The following MUC17 variants were observed in gnomAD, a reference collection of about 807,000 sequenced individuals.
MUC17 encodes mucin-17.
A neutral mutation model predicts 170.3 loss-of-function variants in MUC17; 190 were observed. The observed-to-expected ratio is 1.12, with a 90% CI of 0.99 to 1.26. MUC17 has a LOEUF of 1.26. Among genes scored for constraint, MUC17 ranks in the 50% most tolerant of loss-of-function variants. The pLI is 0.00. For synonymous variants in MUC17, 2,325 were observed against 2,002.5 expected (o/e 1.16, Z -4.30); for missense variants, 6,415 against 5,530.0 (o/e 1.16, Z -5.08).
chr7:101,043,209 A>C lies in MUC17; in HGVS notation c.11793A>C (p.Glu3931Asp). The C allele has an allele frequency of 1.2e-6, 2 of 1,614,174 alleles. No individual in the cohort carries two copies. The highest frequency in any genetic ancestry group is 2.2e-5 in the South Asian group (2 of 91,086). ...CCATATCTGTATCAGTGATCACAGA[A>C]GGAAGCACACCTGGGACAACCATTT... ...ATTISVSVIT[E>D]GSTPGTTIFI... The change falls in exon 3 of 13, where the codon GAA (glutamate) becomes GAC (aspartate). Residue 3931 changes from glutamate (E) to aspartate (D), a missense_variant. By Grantham distance (45) the Glu-to-Asp change is conservative. Coordinates refer to ENST00000306151, the MANE Select transcript of MUC17 (RefSeq NM_001040105.2).
At chr7:101,022,567 A>G (rs1420648658) in intron 1 of MUC17, among the ~76,000 whole-genome samples, 1 of 152,212 alleles carries the variant, frequency 6.6e-6, no homozygotes, top group Non-Finnish European at 1.5e-5. Context: ...GCTCATGCCT[A>G]TAATCCAGGC....
rs185698707 is a variant in MUC17 at position 101,040,994 on chromosome 7, C to T, written c.9578C>T (p.Thr3193Ile). Residue 3193 changes from threonine to isoleucine, a missense_variant, in exon 3 of 13, where the codon ACA becomes ATA. Physicochemically the swap from Thr to Ile is moderately conservative, Grantham distance 89 (BLOSUM62 -1). Coordinates refer to ENST00000306151, the MANE Select transcript of MUC17 (RefSeq NM_001040105.2). The stretch of plus-strand genomic sequence containing the variant: ...TCAGCAACTCCTGTTGACACCAGCA[C>T]ACCTGTGACCACTTCTACTGAAGCC... ...TLSATPVDTS[T>I]PVTTSTEATS... is the part of the protein sequence containing the mutation. 7.3e-5 allele frequency: 118 copies of T among 1,614,052 alleles called. No individual in the cohort carries two copies. In the Middle Eastern group the frequency reaches 1.3e-3, roughly 18 times the overall value.
chr7:101,041,844 C>A lies in MUC17; in HGVS notation c.10428C>A (p.Ser3476Arg). The change falls in exon 3 of 13, where the codon AGC becomes AGA. Residue 3476 changes from serine to arginine, a missense_variant. Transcript: ENST00000306151. ...STTPVASSEA[S>R]TLSTTPVDTS... ...CGCCGGTGGCCAGTTCTGAGGCTAG[C>A]ACCCTTTCAACAACTCCTGTTGACA... 1 of 1,614,082 alleles carries A rather than the reference C, an allele frequency of 6.2e-7. No individual in the cohort carries two copies. The highest frequency in any genetic ancestry group is 8.5e-7 in the Non-Finnish European group (1 of 1,179,958).
chr7:101,028,405 C>T (rs1794219968), intron 1 of MUC17, among the ~76,000 whole-genome samples: 1 of 151,650 alleles, frequency 6.6e-6, no homozygotes, highest in Admixed American at 6.6e-5. Context: ...TTCTTTACGT[C>T]TTTCAGTGTG....
In MUC17 at chr7:101,043,647, C is replaced by T. The variant is rs750948792; in HGVS notation, c.12231C>T (p.Thr4077=). ...PPAHSSTPPT[T]SASSTTVNPE... is the part of the protein sequence containing the mutation. The stretch of plus-strand genomic sequence containing the variant: ...CTCACTCCAGTACACCTCCAACAAC[C>T]TCTGCCTCCTCCACGACTGTGAACC... Residue 4077 remains threonine (T), a synonymous_variant, in exon 3 of 13, where the codon ACC becomes ACT. Transcript: ENST00000306151. 17 of 1,614,048 alleles carry T rather than the reference C, an allele frequency of 1.1e-5. No individual in the cohort carries two copies. The highest frequency in any genetic ancestry group is 6.7e-5 in the African/African-American group (5 of 74,926).
At chr7:101,057,034 C>A (rs886942789) in intron 12 of MUC17, among the ~76,000 whole-genome samples, 2 of 152,014 alleles carry the variant, frequency 1.3e-5, no homozygotes, top group Non-Finnish European at 2.9e-5. Context: ...AACTTGCCCA[C>A]CCATCCTTAG....
chr7:101,040,876 A>T lies in MUC17; in HGVS notation c.9460A>T (p.Met3154Leu), dbSNP rs1379439529. The change falls in exon 3 of 13, where the codon ATG becomes TTG. Residue 3154 changes from methionine to leucine, a missense_variant. Transcript: ENST00000306151. Reference sequence around the variant, plus strand: ...TCCTACAACTTCTGAAGGTACCAGCATGCCAACCTCAACTCCTAGTGAAGG... The same window carrying T: ...TCCTACAACTTCTGAAGGTACCAGCTTGCCAACCTCAACTCCTAGTGAAGG... ...SSPTTSEGTS[M>L]PTSTPSEGST... The T allele has an allele frequency of 6.2e-7, 1 of 1,613,652 alleles. No homozygotes were observed. The highest frequency in any genetic ancestry group is 1.3e-5 in the African/African-American group (1 of 74,804).
intron 3 of MUC17, among the ~76,000 whole-genome samples, chr7:101,047,767 G>T (rs1279741016): frequency 1.3e-5 from 2 of 152,098 alleles, no homozygotes; most frequent in Non-Finnish European, 2.9e-5. Context: ...GGAGGTGGAG[G>T]TTGCAGTGAG....
At position 101,037,738 on chromosome 7, in the gene MUC17, C is replaced by T. The variant is rs772902657; in HGVS notation, c.6322C>T (p.Pro2108Ser). ...SEGSPLLTSIPLSTTPVASPE... is the reference protein window; with the variant it reads ...SEGSPLLTSISLSTTPVASPE... ...AGGAAGTCCTCTACTAACAAGTATA[C>T]CTCTCAGCACCACGCCGGTGGCCAG... Residue 2108 changes from proline (P) to serine (S), a missense_variant, in exon 3 of 13, where the codon CCT becomes TCT. Physicochemically the swap from Pro to Ser is moderately conservative, Grantham distance 74 (BLOSUM62 -1). Coordinates refer to ENST00000306151, the MANE Select transcript of MUC17 (RefSeq NM_001040105.2). The T allele has an allele frequency of 6.8e-6, 11 of 1,613,456 alleles. No homozygotes were observed. The East Asian group carries it at 1.1e-4, about 16-fold the overall frequency.
intron 1 of MUC17, among the ~76,000 whole-genome samples, chr7:101,022,548 G>T (rs1354477171): frequency 6.6e-6 from 1 of 152,208 alleles, no homozygotes; most frequent in East Asian, 1.9e-4. Context: ...TCCCAGGCCA[G>T]GTGCAGTGGC....
rs544237358 is a variant in MUC17 at position 101,047,705 on chromosome 7, C to T, written c.12404-279C>T. On this transcript the variant is annotated intron_variant, in intron 3 of 12. Coordinates refer to ENST00000306151, the MANE Select transcript of MUC17 (RefSeq NM_001040105.2). ...ACTTAGCTGGGTGTGGTGGCACGCG[C>T]CTGTAATCTCAGCTACTCAGGAGGC... 1.2e-4 allele frequency among the ~76,000 whole-genome samples: 19 copies of T among 152,204 alleles called. 1 individual carries two copies. In the South Asian group the frequency reaches 3.5e-3, roughly 28 times the overall value.
intron 9 of MUC17, 126 bp from the exon 10 acceptor site, chr7:101,052,860 C>T (rs1054665521): frequency 2.9e-5 from 34 of 1,187,818 alleles, no homozygotes; most frequent in Non-Finnish European, 3.5e-5. Context: ...GGGTGCCTTG[C>T]TTTATGCCCC....
chr7:101,033,426 T>C lies in MUC17; in HGVS notation c.2010T>C (p.Ser670=). Residue 670 remains serine (S), a synonymous_variant, in exon 3 of 13, where the codon TCT becomes TCC. Coordinates refer to ENST00000306151, the MANE Select transcript of MUC17 (RefSeq NM_001040105.2). The part of the protein sequence containing the change: ...VTTSTEATSS[S]TTAEGTSMPT... ...CTTCAACTGAAGCCACTTCATCTTC[T>C]ACAACTGCGGAAGGTACCAGCATGC... The C allele has an allele frequency of 1.2e-6, 2 of 1,613,436 alleles. No individual in the cohort carries two copies. The highest frequency in any genetic ancestry group is 2.2e-5 in the South Asian group (2 of 90,942).
In MUC17 at chr7:101,037,794, T is replaced by A; in HGVS notation, c.6378T>A (p.Pro2126=). The A allele has an allele frequency of 6.2e-7, 1 of 1,613,202 alleles. No individual in the cohort carries two copies. The highest frequency in any genetic ancestry group is 8.5e-7 in the Non-Finnish European group (1 of 1,179,404). The stretch of plus-strand genomic sequence containing the variant: ...AGGCTAGCACCCTTTCAACAACTCC[T>A]GTTGACTCCAACAGTCCTGTGATCA... The part of the protein sequence containing the change: ...SPEASTLSTT[P]VDSNSPVITS... The change falls in exon 3 of 13, where the codon CCT becomes CCA. Residue 2126 remains proline, a synonymous_variant. Coordinates refer to ENST00000306151, the MANE Select transcript of MUC17 (RefSeq NM_001040105.2).
In MUC17 at chr7:101,038,919, A is replaced by C. The variant is rs1270366840; in HGVS notation, c.7503A>C (p.Glu2501Asp). The C allele has an allele frequency of 6.2e-7, 1 of 1,613,832 alleles. No individual in the cohort carries two copies. Among genetic ancestry groups the C allele is most frequent in the Non-Finnish European group, 8.5e-7 (1 of 1,180,008 alleles). The change falls in exon 3 of 13, where the codon GAA becomes GAC. Residue 2501 changes from glutamate (E) to aspartate (D), a missense_variant. Coordinates refer to ENST00000306151, the MANE Select transcript of MUC17 (RefSeq NM_001040105.2). ...CCAGTTCATCTCCTACAACTGCTGA[A>C]GATATCGTCGTGCCAATCTCAACTG... ...TEASSSPTTA[E>D]DIVVPISTAS...
chr7:101,043,385 A>T lies in MUC17; in HGVS notation c.11969A>T (p.Glu3990Val), dbSNP rs1419120229. 1 of 1,614,178 alleles carries T rather than the reference A, an allele frequency of 6.2e-7. No homozygotes were observed. The highest frequency in any genetic ancestry group is 1.7e-5 in the Admixed American group (1 of 60,026). Residue 3990 changes from glutamate (E) to valine (V), a missense_variant, in exon 3 of 13, where the codon GAA becomes GTA. By Grantham distance (121) the Glu-to-Val change is moderately radical (BLOSUM62 -2). Coordinates refer to ENST00000306151, the MANE Select transcript of MUC17 (RefSeq NM_001040105.2). ...ACCACATCTTTTTCAACTACTAAGG[A>T]ATTTACAACACCCGCAATGACTACT... ...STTTSFSTTK[E>V]FTTPAMTTAA...
At position 101,031,129 on chromosome 7, in the gene MUC17, T is replaced by G. The variant is rs1471329998; in HGVS notation, c.92T>G (p.Val31Gly). The change falls in exon 2 of 13, where the codon GTG (valine) becomes GGG (glycine). Residue 31 changes from valine to glycine, a missense_variant. Val to Gly is a moderately radical substitution (Grantham distance 109). Transcript: ENST00000306151. ...CCTTTGTCTCTTTCAGACCTCAGTGTGAACAGGGCTGTGTGGGATGGAGGA... is the reference window on the plus strand; with the variant it reads ...CCTTTGTCTCTTTCAGACCTCAGTGGGAACAGGGCTGTGTGGGATGGAGGA... ...PQAAAEQDLS[V>G]NRAVWDGGGC... is the part of the protein sequence containing the mutation. 6.2e-7 allele frequency: 1 copy of G among 1,609,508 alleles called. No homozygotes were observed. Among genetic ancestry groups the G allele is most frequent in the African/African-American group, 1.3e-5 (1 of 74,850 alleles).
At position 101,035,995 on chromosome 7, in the gene MUC17, G is replaced by C; in HGVS notation, c.4579G>C (p.Ala1527Pro). 1 of 1,611,818 alleles carries C rather than the reference G, an allele frequency of 6.2e-7. No individual in the cohort carries two copies. Among genetic ancestry groups the C allele is most frequent in the Non-Finnish European group, 8.5e-7 (1 of 1,178,634 alleles). The change falls in exon 3 of 13, where the codon GCC becomes CCC. Residue 1527 changes from alanine to proline, a missense_variant. Coordinates refer to ENST00000306151, the MANE Select transcript of MUC17 (RefSeq NM_001040105.2). ...TSIPVSTTTV[A>P]SSEINSLSTT... ...TATACCTGTCAGCACCACAACAGTGGCCAGTTCTGAAATCAACAGCCTTTC... is the reference window on the plus strand; with the variant it reads ...TATACCTGTCAGCACCACAACAGTGCCCAGTTCTGAAATCAACAGCCTTTC...
In MUC17 at chr7:101,021,382, T is replaced by C. The variant is rs117105910; in HGVS notation, c.82+1165T>C. 3.3e-5 allele frequency among the ~76,000 whole-genome samples: 5 copies of C among 152,094 alleles called. No homozygotes were observed. The East Asian group carries it at 7.7e-4, about 24-fold the overall frequency. On this transcript the variant is annotated intron_variant, in intron 1 of 12. Coordinates refer to ENST00000306151, the MANE Select transcript of MUC17 (RefSeq NM_001040105.2). ...TGTATATTTTTAGTAAGGACAGGGTTTCACCATGTTAACCGGGCTGGTCTC... is the reference window on the plus strand; with the variant it reads ...TGTATATTTTTAGTAAGGACAGGGTCTCACCATGTTAACCGGGCTGGTCTC...
Sources: gnomAD v4.1 joint callset for allele counts (sites outside exome capture counted in the v4.1 genomes callset) on GRCh38, gnomAD v4.1.1 for gene constraint, MANE v1.5 for transcripts, NCBI Gene and HGNC (gene_info 2026-07-23, HGNC 2026-07-21) for gene names.